The following ARHGAP35 variants were observed in gnomAD, a reference collection of about 807,000 sequenced individuals.
The protein encoded by ARHGAP35 is Rho GTPase activating protein 35.
In ARHGAP35, 15 loss-of-function variants were observed where a neutral mutation model predicts 111.1. That is an observed-to-expected ratio of 0.13 (90% confidence interval 0.09 to 0.21). ARHGAP35 has a LOEUF of 0.21. Among genes scored for constraint, ARHGAP35 ranks in the 10% least tolerant of loss-of-function variants. The pLI, the probability that ARHGAP35 is intolerant of heterozygous loss-of-function variation, is 1.00. For missense variants in ARHGAP35, 1,262 were observed against 1,873.0 expected (o/e 0.67, Z 6.02); for synonymous variants, 643 against 710.3 (o/e 0.91, Z 1.51).
chr19:46,961,175 A>G (rs530323046), intron 3 of ARHGAP35, among the ~76,000 whole-genome samples: 232 of 152,314 alleles, frequency 1.5e-3, no homozygotes, highest in African/African-American at 5.4e-3. Context: ...GATTACAGGC[A>G]TGAGCTGCCG....
intron 3 of ARHGAP35, among the ~76,000 whole-genome samples, chr19:46,960,236 G>C (rs761043828): frequency 1.3e-5 from 2 of 152,022 alleles, no homozygotes; most frequent in African/African-American, 2.4e-5. Flanking sequence ...AATTTTATTA[G>C]CATTTCAGTC....
chr19:46,916,397 T>TTTTTTTTTTTTTTTTTGAG (rs1374022637), intron 1 of ARHGAP35, among the ~76,000 whole-genome samples: 1 of 151,970 alleles, frequency 6.6e-6, no homozygotes, highest in African/African-American at 2.4e-5. Context: ...CCCTCTGTCT[T>TTTTTTTTTTTTTTTTTGAG]AAATGCACTT....
At chr19:46,980,622 T>A (rs1353130608) in intron 3 of ARHGAP35, among the ~76,000 whole-genome samples, 1 of 152,208 alleles carries the variant, frequency 6.6e-6, no homozygotes, top group Non-Finnish European at 1.5e-5. Flanking sequence ...TCAGAATAGG[T>A]CATGCCTACA....
rs918465987 is a variant in ARHGAP35 at position 46,999,016 on chromosome 19, G to A, written c.4037-288G>A. ...TGAGCAAAGAATGGTGTTCTTTATG[G>A]CGGAGTGTCTCCAGATTGTTCTGTC... On this transcript the variant is annotated intron_variant, in intron 5 of 6. Transcript: ENST00000672722. This position sits in a 1 kb window ranked among gnomAD's most constrained non-coding sequence, Gnocchi z 5.4. 6 of 381,850 alleles carry A rather than the reference G, an allele frequency of 1.6e-5. No individual in the cohort carries two copies. The highest frequency in any genetic ancestry group is 1.2e-4 in the African/African-American group (6 of 49,182). The allele number at this position is 381,850 out of a possible 1,614,324, so 23.7% of individuals were successfully genotyped here. A position where few individuals can be genotyped will look rare whatever the true frequency, so the allele number is the denominator to read the frequency against.
chr19:46,931,301 A>G (rs1250501331), intron 2 of ARHGAP35, among the ~76,000 whole-genome samples: 1 of 152,186 alleles, frequency 6.6e-6, no homozygotes, highest in Non-Finnish European at 1.5e-5. Flanking sequence ...CTGGAACCCA[A>G]CCATCTTCCC....
intron 3 of ARHGAP35, among the ~76,000 whole-genome samples, chr19:46,961,925 G>C (rs970694380): frequency 1.3e-5 from 2 of 151,618 alleles, no homozygotes; most frequent in Non-Finnish European, 2.9e-5. Context: ...GTGAGATCCT[G>C]CCTCAAAAAA....
In ARHGAP35 at chr19:46,992,956, T is replaced by G. The variant is rs368916169; in HGVS notation, c.4036+3281T>G. The stretch of plus-strand genomic sequence containing the variant: ...CGTTACTGGTTCTGGGATCCTGCCT[T>G]CCTTTGATCTGTCCACATAGCTGCC... On this transcript the variant is annotated intron_variant, in intron 5 of 6. Coordinates refer to ENST00000672722, the MANE Select transcript of ARHGAP35 (RefSeq NM_004491.5). The surrounding 1 kb of genome is among the most constrained non-coding windows in gnomAD (Gnocchi z 4.4). Among the ~76,000 whole-genome samples, 19 of 152,218 alleles carry G rather than the reference T, an allele frequency of 1.2e-4. No individual in the cohort carries two copies. The highest frequency in any genetic ancestry group is 4.3e-4 in the African/African-American group (18 of 41,460).
intron 1 of ARHGAP35, among the ~76,000 whole-genome samples, chr19:46,895,749 T>C (rs964037140): frequency 6.6e-6 from 1 of 152,156 alleles, no homozygotes; most frequent in Admixed American, 6.6e-5. Flanking sequence ...AGTCTCCAGG[T>C]CCCAATGCCC....
At chr19:46,892,150 A>G (rs1236337343) in intron 1 of ARHGAP35, among the ~76,000 whole-genome samples, 3 of 149,946 alleles carry the variant, frequency 2.0e-5, no homozygotes, top group Non-Finnish European at 3.0e-5. Flanking sequence ...AAAAAAAAGA[A>G]AAATTAGCCA....
At chr19:46,927,133 A>G (rs752840847) in intron 2 of ARHGAP35, among the ~76,000 whole-genome samples, 10 of 152,156 alleles carry the variant, frequency 6.6e-5, no homozygotes, top group Middle Eastern at 3.2e-3. Flanking sequence ...TCCTGGAAAA[A>G]TTGTGTCTTT....
intron 1 of ARHGAP35, among the ~76,000 whole-genome samples, chr19:46,868,434 C>T (rs1302363669): frequency 6.6e-6 from 1 of 152,164 alleles, no homozygotes; most frequent in Non-Finnish European, 1.5e-5. Context: ...TAATGTCTGG[C>T]TCCTTGGGAT....
At position 46,918,748 on chromosome 19, in the gene ARHGAP35, G is replaced by C; in HGVS notation, c.73G>C (p.Glu25Gln). Residue 25 changes from glutamate (E) to glutamine (Q), a missense_variant, in exon 2 of 7, where the codon GAG becomes CAG. Glu to Gln is a conservative substitution (Grantham distance 29). Around this residue, in one of 8 missense-constraint regions of ARHGAP35, gnomAD observed 125 missense variants for 301.7 expected, o/e 0.41. Coordinates refer to ENST00000672722, the MANE Select transcript of ARHGAP35 (RefSeq NM_004491.5). This position sits in a 1 kb window ranked among gnomAD's most constrained non-coding sequence, Gnocchi z 5.4. ...CAGTGTGGTGGGATTATCTGGGACC[G>C]AGAAGGAAAAGGGCCAGTGTGGGAT... ...NISVVGLSGTEKEKGQCGIGK... is the reference protein window; with the variant it reads ...NISVVGLSGTQKEKGQCGIGK... 1 of 1,614,012 alleles carries C rather than the reference G, an allele frequency of 6.2e-7. No individual in the cohort carries two copies. The highest frequency in any genetic ancestry group is 8.5e-7 in the Non-Finnish European group (1 of 1,179,896).
chr19:46,893,805 TG>T (rs776398325), intron 1 of ARHGAP35, among the ~76,000 whole-genome samples: 15 of 151,766 alleles, frequency 9.9e-5, no homozygotes, highest in African/African-American at 2.4e-4. Flanking sequence ...AAAAATGTAT[TG>T]GGGGGGAAGT....
chr19:46,895,797 G>C (rs2056051897), intron 1 of ARHGAP35, among the ~76,000 whole-genome samples: 2 of 152,114 alleles, frequency 1.3e-5, no homozygotes, highest in African/African-American at 4.8e-5. Context: ...CCCTTCCCGG[G>C]TGGATTTAAA....
intron 1 of ARHGAP35, among the ~76,000 whole-genome samples, chr19:46,899,168 A>C (rs2122164564): frequency 3.3e-5 from 5 of 152,324 alleles, no homozygotes; most frequent in African/African-American, 1.2e-4. Flanking sequence ...GGAGATGGGC[A>C]GAGAAGGCAT....
At chr19:46,967,656 T>G (rs2056523079) in intron 3 of ARHGAP35, among the ~76,000 whole-genome samples, 2 of 152,214 alleles carry the variant, frequency 1.3e-5, no homozygotes, top group African/African-American at 4.8e-5. Flanking sequence ...TAGGATGAAG[T>G]TTCATCCTAC....
chr19:46,976,231 G>C (rs900635539), intron 3 of ARHGAP35, among the ~76,000 whole-genome samples: 3 of 29,150 alleles, frequency 1.0e-4, no homozygotes, highest in African/African-American at 4.2e-4. Flanking sequence ...TTTTTTTTTT[G>C]CTACCATTCC....
At chr19:46,960,532 A>C (rs2056474263) in intron 3 of ARHGAP35, among the ~76,000 whole-genome samples, 1 of 152,226 alleles carries the variant, frequency 6.6e-6, no homozygotes, top group South Asian at 2.1e-4. Context: ...TGGAGAAAAA[A>C]ATAGGGCTTT....
rs564935929 is a variant in ARHGAP35, at chr19:46,918,913, A to G, written c.238A>G (p.Ser80Gly). 3 of 1,614,006 alleles carry G rather than the reference A, an allele frequency of 1.9e-6. No individual in the cohort carries two copies. Among genetic ancestry groups the G allele is most frequent in the South Asian group, 1.1e-5 (1 of 91,084 alleles). The change falls in exon 2 of 7, where the codon AGC becomes GGC. Residue 80 changes from serine (S) to glycine (G), a missense_variant. This residue lies in a region of ARHGAP35 where 125 missense variants were observed against 301.7 expected (regional missense o/e 0.41). Coordinates refer to ENST00000672722, the MANE Select transcript of ARHGAP35 (RefSeq NM_004491.5). This position sits in a 1 kb window ranked among gnomAD's most constrained non-coding sequence, Gnocchi z 5.4. ...NDHFLYWGEV[S>G]RSLEDCVECK... ...CCACTTTCTCTACTGGGGAGAAGTT[A>G]GCCGCTCCCTGGAGGATTGTGTGGA...
Sources: gnomAD v4.1 joint callset for allele counts (sites outside exome capture counted in the v4.1 genomes callset) on GRCh38, gnomAD v4.1.1 for gene constraint, gnomAD v4.1.1 regional missense constraint, Gnocchi (gnomAD v3.1) non-coding constraint, MANE v1.5 for transcripts, NCBI Gene and HGNC (gene_info 2026-07-23, HGNC 2026-07-21) for gene names.